TMEM87B: variants seen among roughly 807,000 people sequenced by gnomAD.
The protein encoded by TMEM87B is transmembrane protein 87B.
In TMEM87B, 83 loss-of-function variants were observed where a neutral mutation model predicts 80.3. The ratio of observed to expected loss-of-function variants is 1.03; its 90% confidence interval spans 0.87 to 1.24. The LOEUF is 1.24. TMEM87B is among the 50% of genes most tolerant of loss of function. The probability of loss-of-function intolerance (pLI) is 0.00; values close to 1 mark genes in which losing one functional copy is unlikely to be tolerated. For synonymous variants in TMEM87B, 219 were observed against 230.5 expected (o/e 0.95, Z 0.45); for missense variants, 625 against 674.4 (o/e 0.93, Z 0.81).
chr2:112,063,459 C>T (rs1678317781), intron 2 of TMEM87B, among the ~76,000 whole-genome samples: 1 of 152,202 alleles, frequency 6.6e-6, no homozygotes, highest in East Asian at 1.9e-4. Flanking sequence ...TCTTCTCCAG[C>T]TTCAACTCTT....
chr2:112,079,405 T>G (rs1678919678), intron 6 of TMEM87B, among the ~76,000 whole-genome samples: 1 of 152,236 alleles, frequency 6.6e-6, no homozygotes, highest in East Asian at 1.9e-4. Context: ...CAGCACAGTG[T>G]TTTCCAGTTC....
At chr2:112,095,533 GT>G in intron 11 of TMEM87B, 1 of 874,908 alleles carries the variant, frequency 1.1e-6, no homozygotes, top group Non-Finnish European at 1.4e-6. Context: ...TAGAAATTTG[GT>G]TTTAGTCAAG....
At chr2:112,071,622 A>G (rs1678640267) in intron 4 of TMEM87B, among the ~76,000 whole-genome samples, 1 of 152,108 alleles carries the variant, frequency 6.6e-6, no homozygotes, top group Non-Finnish European at 1.5e-5. Context: ...TGATCTTTAT[A>G]TATTGATTTT....
chr2:112,072,969 G>A lies in TMEM87B; in HGVS notation c.451-1943G>A, dbSNP rs540309315. Among the ~76,000 whole-genome samples the A allele has an allele frequency of 4.6e-4, 64 of 139,788 alleles. 1 individual carries two copies. Among genetic ancestry groups the A allele is most frequent in the East Asian group, 2.9e-3 (14 of 4,888 alleles). 91.7% of individuals were successfully genotyped at this position (139,788 alleles called of 152,430 possible). On this transcript the variant is annotated intron_variant, in intron 4 of 18. Transcript: ENST00000283206. ...GGCTGGAGGGCAGTGGTGCAATCTC[G>A]GCTCACTGCAACCTCCACCTCCCAG...
In TMEM87B at chr2:112,112,920, T is replaced by C; in HGVS notation, c.1599T>C (p.Asp533=). The C allele has an allele frequency of 1.2e-6, 2 of 1,613,050 alleles. No homozygotes were observed. Among genetic ancestry groups the C allele is most frequent in the Non-Finnish European group, 8.5e-7 (1 of 1,179,328 alleles). Residue 533 remains aspartate (D), a synonymous_variant, in exon 18 of 19, where the codon GAT becomes GAC. Transcript: ENST00000283206. ...TCAGAGCTCTTCCAGTGTTAGTGGA[T>C]TCAGATGAGGTAAAATATATTTTTG... is the stretch of plus-strand genomic sequence containing the variant. ...FTDVALPVLV[D]SDEEIMTRSE...
intron 16 of TMEM87B, among the ~76,000 whole-genome samples, chr2:112,106,896 G>A (rs1573727428): frequency 1.3e-5 from 2 of 152,114 alleles, no homozygotes; most frequent in Non-Finnish European, 2.9e-5. Flanking sequence ...TAGACTGGAG[G>A]GATGGATAGA....
chr2:112,091,494 A>G (rs933250747), intron 10 of TMEM87B, among the ~76,000 whole-genome samples: 1 of 151,920 alleles, frequency 6.6e-6, no homozygotes, highest in East Asian at 1.9e-4. Context: ...TACATAATAC[A>G]GTTTTATGTT....
In TMEM87B at chr2:112,077,190, A is replaced by G. The variant is rs1245566332; in HGVS notation, c.502-2A>G. 1.9e-6 allele frequency: 3 copies of G among 1,559,500 alleles called. No homozygotes were observed. Among genetic ancestry groups the G allele is most frequent in the Non-Finnish European group, 2.6e-6 (3 of 1,149,192 alleles). ...GAAGAATTTTTTTCACCTCTATTTC[A>G]GGATGTTGTAGCCAGAACACAAAAA... On this transcript the variant is annotated splice_acceptor_variant, in intron 5 of 18. Coordinates refer to ENST00000283206, the MANE Select transcript of TMEM87B (RefSeq NM_032824.3). LOFTEE classifies it high-confidence loss of function.
intron 5 of TMEM87B, 100 bp downstream of exon 5, chr2:112,075,062 G>A: frequency 2.1e-6 from 3 of 1,449,240 alleles, no homozygotes; most frequent in Non-Finnish European, 2.8e-6. Context: ...ATATAAAGTA[G>A]GGTTATTAGA....
chr2:112,065,182 C>T (rs1033158623), intron 3 of TMEM87B, among the ~76,000 whole-genome samples: 1 of 152,088 alleles, frequency 6.6e-6, no homozygotes, highest in South Asian at 2.1e-4. Flanking sequence ...TTGAACCATG[C>T]CATTTTCCTT....
chr2:112,102,883 T>G (rs893313295), intron 15 of TMEM87B, among the ~76,000 whole-genome samples: 6 of 152,130 alleles, frequency 3.9e-5, no homozygotes, highest in African/African-American at 1.4e-4. Context: ...TTCTCAAGAT[T>G]AGGGATAAAG....
At chr2:112,057,433 C>A (rs964319498) in intron 1 of TMEM87B, among the ~76,000 whole-genome samples, 1 of 152,152 alleles carries the variant, frequency 6.6e-6, no homozygotes, top group Non-Finnish European at 1.5e-5. Flanking sequence ...ATGCCACACA[C>A]CAGTTAATTT....
chr2:112,059,616 G>T (rs1678183488), intron 1 of TMEM87B, among the ~76,000 whole-genome samples: 1 of 152,158 alleles, frequency 6.6e-6, no homozygotes. Flanking sequence ...GGGAGAGGGG[G>T]ACAGTTCCTT....
chr2:112,085,175 CAG>C (rs1364809278), intron 8 of TMEM87B, among the ~76,000 whole-genome samples: 1 of 152,254 alleles, frequency 6.6e-6, no homozygotes, highest in African/African-American at 2.4e-5. Context: ...GACTCCATGA[CAG>C]GGGCTCCAAA....
At position 112,081,387 on chromosome 2, in the gene TMEM87B, C is replaced by T. The variant is rs374641751; in HGVS notation, c.707C>T (p.Thr236Met). Residue 236 changes from threonine (T) to methionine (M), a missense_variant, in exon 8 of 19, where the codon ACG (threonine) becomes ATG (methionine). Coordinates refer to ENST00000283206, the MANE Select transcript of TMEM87B (RefSeq NM_032824.3). ...VYILYGILWL[T>M]WSACYWKDIL... ...ATATTATATGGCATACTCTGGCTGA[C>T]GTGGTCTGCCTGTTATTGGAAAGAT... The T allele has an allele frequency of 6.2e-6, 10 of 1,613,400 alleles. No individual in the cohort carries two copies. The highest frequency in any genetic ancestry group is 4.5e-5 in the East Asian group (2 of 44,876).
intron 9 of TMEM87B, among the ~76,000 whole-genome samples, chr2:112,088,115 T>C (rs1000649682): frequency 1.3e-5 from 2 of 152,216 alleles, no homozygotes; most frequent in African/African-American, 2.4e-5. Context: ...GAGCTGGGGA[T>C]TGGGGAGTTA....
At chr2:112,101,942 A>G (rs1258978054) in intron 15 of TMEM87B, among the ~76,000 whole-genome samples, 1 of 152,206 alleles carries the variant, frequency 6.6e-6, no homozygotes, top group Non-Finnish European at 1.5e-5. Context: ...TAACAACCCA[A>G]TTTTAATTCT....
At chr2:112,099,269 AAATCCC>A (rs1478365427) in intron 14 of TMEM87B, among the ~76,000 whole-genome samples, 3 of 152,098 alleles carry the variant, frequency 2.0e-5, no homozygotes, top group Admixed American at 2.0e-4. Context: ...TCAACATCCC[AAATCCC>A]AATCCAGAAT....
intron 17 of TMEM87B, among the ~76,000 whole-genome samples, chr2:112,110,720 C>A (rs1278161406): frequency 6.6e-6 from 1 of 151,946 alleles, no homozygotes. Flanking sequence ...TTTCTGCAGA[C>A]CTTCTCCCAC....
Sources: allele counts gnomAD v4.1 joint callset (sites outside exome capture counted in the v4.1 genomes callset), GRCh38; gene constraint gnomAD v4.1.1; transcripts MANE v1.5; gene names NCBI Gene and HGNC (gene_info 2026-07-23, HGNC 2026-07-21).